Variants in CASR observed in about 807,000 individuals in gnomAD.
The protein encoded by CASR is calcium sensing receptor, also known as extracellular calcium-sensing receptor.
In CASR, 23 loss-of-function variants were observed where a neutral mutation model predicts 69.1. The observed-to-expected ratio is 0.33, with a 90% CI of 0.24 to 0.47. The LOEUF is 0.47. Ranked by LOEUF, CASR falls within the 20% of genes least tolerant of loss-of-function variation. The pLI is 1.00. For missense variants in CASR, 924 were observed against 1,356.1 expected, an observed-to-expected ratio of 0.68 and a Z score of 5.00; for synonymous variants, 541 against 544.7, an observed-to-expected ratio of 0.99 and a Z score of 0.10.
chr3:122,245,105 G>A (rs888652058), intron 1 of CASR, among the ~76,000 whole-genome samples: 2 of 152,154 alleles, frequency 1.3e-5, no homozygotes, highest in Admixed American at 1.3e-4. Flanking sequence ...AAATGGCATA[G>A]TATTTGCCTA....
intron 1 of CASR, among the ~76,000 whole-genome samples, chr3:122,248,457 C>T (rs930817489): frequency 6.6e-6 from 1 of 152,200 alleles, no homozygotes; most frequent in Admixed American, 6.5e-5. Flanking sequence ...TCAGACCCTA[C>T]TGTTAGTATC....
intron 1 of CASR, among the ~76,000 whole-genome samples, chr3:122,215,042 T>A (rs1458527681): frequency 1.3e-5 from 2 of 152,230 alleles, no homozygotes; most frequent in Non-Finnish European, 2.9e-5. Flanking sequence ...GGTCTATCCT[T>A]GCTTTTGCTG....
chr3:122,250,248 A>C (rs1368972275), intron 1 of CASR, among the ~76,000 whole-genome samples: 2 of 152,068 alleles, frequency 1.3e-5, no homozygotes, highest in Non-Finnish European at 2.9e-5. Flanking sequence ...TCAGCTTTGG[A>C]AGCAAATTCG....
intron 1 of CASR, among the ~76,000 whole-genome samples, chr3:122,240,612 T>C (rs1559949623): frequency 1.3e-5 from 2 of 152,172 alleles, no homozygotes; most frequent in African/African-American, 4.8e-5. Context: ...ACTTTCAGCA[T>C]TGGACTGATC....
At position 122,283,962 on chromosome 3, in the gene CASR, G is replaced by A. The variant is rs2074927550; in HGVS notation, c.2008G>A (p.Gly670Arg). 2 of 1,613,218 alleles carry A rather than the reference G, an allele frequency of 1.2e-6. No individual in the cohort carries two copies. The highest frequency in any genetic ancestry group is 1.7e-6 in the Non-Finnish European group (2 of 1,179,824). ...CCFSSSLFFI[G>R]EPQDWTCRLR... ...CTTCTCCAGCTCCCTGTTCTTCATC[G>A]GGGAGCCCCAGGACTGGACGTGCCG... Residue 670 changes from glycine (G) to arginine (R), a missense_variant, in exon 7 of 7, where the codon GGG (glycine) becomes AGG (arginine). By Grantham distance (125) the Gly-to-Arg change is moderately radical. Coordinates refer to ENST00000639785, the MANE Select transcript of CASR (RefSeq NM_000388.4).
At chr3:122,239,243 C>T (rs911978146) in intron 1 of CASR, among the ~76,000 whole-genome samples, 1 of 152,124 alleles carries the variant, frequency 6.6e-6, no homozygotes, top group African/African-American at 2.4e-5. Context: ...CTGAGGTGCC[C>T]CTGGGCTTTA....
intron 4 of CASR, among the ~76,000 whole-genome samples, chr3:122,272,409 C>T (rs2074770709): frequency 1.3e-5 from 2 of 151,910 alleles, no homozygotes; most frequent in South Asian, 4.2e-4. Context: ...CTTTACTGGC[C>T]CCATAACACA....
At chr3:122,240,984 A>G (rs2074373979) in intron 1 of CASR, among the ~76,000 whole-genome samples, 1 of 152,134 alleles carries the variant, frequency 6.6e-6, no homozygotes, top group Non-Finnish European at 1.5e-5. Flanking sequence ...CTTGAAGCAA[A>G]TGATAATAGA....
At chr3:122,265,946 G>A (rs146513207) in intron 4 of CASR, among the ~76,000 whole-genome samples, 1 of 152,286 alleles carries the variant, frequency 6.6e-6, no homozygotes, top group African/African-American at 2.4e-5. Context: ...AGAGAAGATG[G>A]AAGGGAGATA....
chr3:122,223,217 T>A (rs1227696905), intron 1 of CASR, among the ~76,000 whole-genome samples: 3 of 151,606 alleles, frequency 2.0e-5, no homozygotes, highest in Non-Finnish European at 2.9e-5. Context: ...ATAACCAAAG[T>A]CATAGCTGAA....
chr3:122,188,605 CTCTCTCTCTTTT>C (rs761921406), intron 1 of CASR, among the ~76,000 whole-genome samples: 32 of 152,260 alleles, frequency 2.1e-4, no homozygotes, highest in Non-Finnish European at 4.3e-4. Flanking sequence ...TCCATCTTCT[CTCTCTCTCTTTT>C]TCTCTCTCTC....
chr3:122,279,146 C>T (rs976053718), intron 5 of CASR, among the ~76,000 whole-genome samples: 1 of 152,150 alleles, frequency 6.6e-6, no homozygotes, highest in East Asian at 1.9e-4. Flanking sequence ...ATGCCACTAT[C>T]AAGGACTATG....
chr3:122,207,982 C>T (rs2074025164), intron 1 of CASR, among the ~76,000 whole-genome samples: 1 of 151,902 alleles, frequency 6.6e-6, no homozygotes, highest in South Asian at 2.1e-4. Flanking sequence ...TCTATCTCTC[C>T]CTTTAGGTCT....
chr3:122,219,625 C>G (rs1409068265), intron 1 of CASR, among the ~76,000 whole-genome samples: 2 of 152,206 alleles, frequency 1.3e-5, no homozygotes, highest in Non-Finnish European at 2.9e-5. Flanking sequence ...GTAACCAGTT[C>G]AGAACCTGGG....
intron 3 of CASR, among the ~76,000 whole-genome samples, chr3:122,258,424 T>C (rs543365716): frequency 7.9e-5 from 12 of 151,838 alleles, no homozygotes; most frequent in Admixed American, 1.3e-4. Context: ...AGAGATAGTT[T>C]TGTCATCATT....
chr3:122,272,172 A>C (rs2074767675), intron 4 of CASR, among the ~76,000 whole-genome samples: 1 of 151,910 alleles, frequency 6.6e-6, no homozygotes, highest in South Asian at 2.1e-4. Flanking sequence ...TTAACTTTTT[A>C]AGGAACTGCC....
chr3:122,259,191 A>G (rs2074591162), intron 3 of CASR, among the ~76,000 whole-genome samples: 1 of 152,126 alleles, frequency 6.6e-6, no homozygotes, highest in Admixed American at 6.5e-5. Context: ...TACGTTCCTT[A>G]AGAGAACATA....
Position 122,289,670 on chromosome 3 carries a change from TAGGGG to T in CASR, c.*4481_*4485del, listed in dbSNP as rs2074995670. ...CTGTGACTCTAGCACCGAGTGGGGCTAGGGGAACCTTCTCCTCTGTTGGGAATAAC... is the reference window on the plus strand; with the variant it reads ...CTGTGACTCTAGCACCGAGTGGGGCTAACCTTCTCCTCTGTTGGGAATAAC... On this transcript the variant is annotated 3_prime_UTR_variant, in exon 7 of 7. Transcript: ENST00000639785. 1 of 152,384 alleles carries T rather than the reference TAGGGG, an allele frequency of 6.6e-6. No individual in the cohort carries two copies. Among genetic ancestry groups the T allele is most frequent in the Non-Finnish European group, 1.5e-5 (1 of 68,198 alleles). 9.4% of individuals were successfully genotyped at this position (152,384 alleles called of 1,614,324 possible). A position where few individuals can be genotyped will look rare whatever the true frequency, so the allele number is the denominator to read the frequency against.
At chr3:122,187,132 G>C (rs2073793757) in intron 1 of CASR, among the ~76,000 whole-genome samples, 1 of 152,100 alleles carries the variant, frequency 6.6e-6, no homozygotes, top group Non-Finnish European at 1.5e-5. Context: ...ATATAACCCT[G>C]ATACCAAATG....
Sources: gnomAD v4.1 joint callset for allele counts (sites outside exome capture counted in the v4.1 genomes callset) on GRCh38, gnomAD v4.1.1 for gene constraint, MANE v1.5 for transcripts, NCBI Gene and HGNC (gene_info 2026-07-23, HGNC 2026-07-21) for gene names.